OR5AN1: variants seen among roughly 807,000 people sequenced by gnomAD.
The protein encoded by OR5AN1 is olfactory receptor family 5 subfamily AN member 1.
For synonymous variants in OR5AN1, 167 were observed against 131.8 expected, an observed-to-expected ratio of 1.27 and a Z score of -1.83; for missense variants, 476 against 368.9, an observed-to-expected ratio of 1.29 and a Z score of -2.38.
rs994021457 is a variant in OR5AN1 at position 59,359,242 on chromosome 11, A to G, written c.-44A>G. On this transcript the variant is annotated 5_prime_UTR_variant, in exon 1 of 2. It removes the in-frame stop codon of an upstream open reading frame in the 5' UTR. Coordinates refer to ENST00000641998, the MANE Select transcript of OR5AN1 (RefSeq NM_001004729.2). Reference sequence around the variant, plus strand: ...TCTTACTCCTTACTCAACCTTCTGTAAAAAGAAAAACCTCAAACATAAAAT... The same window carrying G: ...TCTTACTCCTTACTCAACCTTCTGTGAAAAGAAAAACCTCAAACATAAAAT... 1 of 152,174 alleles carries G rather than the reference A, an allele frequency of 6.6e-6. No homozygotes were observed. Among genetic ancestry groups the G allele is most frequent in the African/African-American group, 2.4e-5 (1 of 41,426 alleles). The allele number at this position is 152,174 out of a possible 1,614,324, so 9.4% of individuals were successfully genotyped here. A position where few individuals can be genotyped will look rare whatever the true frequency, so the allele number is the denominator to read the frequency against.
In OR5AN1 at chr11:59,367,207, T is replaced by C. The variant is rs1376780346; in HGVS notation, c.*1813T>C. The C allele has an allele frequency of 2.0e-5, 3 of 152,152 alleles. No homozygotes were observed. The highest frequency in any genetic ancestry group is 1.3e-4 in the Admixed American group (2 of 15,268). The allele number at this position is 152,152 out of a possible 1,614,324, so 9.4% of individuals were successfully genotyped here. ...TGGCTGACCAGAAGCAGCTAGTGTGTGTGGCTGTCATGGAAAGGAACAGAA... is the reference window on the plus strand; with the variant it reads ...TGGCTGACCAGAAGCAGCTAGTGTGCGTGGCTGTCATGGAAAGGAACAGAA... On this transcript the variant is annotated 3_prime_UTR_variant, in exon 2 of 2. Transcript: ENST00000641998.
Position 59,359,221 on chromosome 11 carries a change from A to T in OR5AN1, c.-65A>T, listed in dbSNP as rs192708147. The T allele has an allele frequency of 6.6e-6, 1 of 152,198 alleles. No homozygotes were observed. Among genetic ancestry groups the T allele is most frequent in the East Asian group, 1.9e-4 (1 of 5,180 alleles). 9.4% of individuals were successfully genotyped at this position (152,198 alleles called of 1,614,324 possible). A position where few individuals can be genotyped will look rare whatever the true frequency, so the allele number is the denominator to read the frequency against. On this transcript the variant is annotated 5_prime_UTR_variant, in exon 1 of 2. Transcript: ENST00000641998. ...CTAAAGCTCTTCGTTGGATTCTCTTACTCCTTACTCAACCTTCTGTAAAAA... is the reference window on the plus strand; with the variant it reads ...CTAAAGCTCTTCGTTGGATTCTCTTTCTCCTTACTCAACCTTCTGTAAAAA...
intron 1 of OR5AN1, among the ~76,000 whole-genome samples, chr11:59,360,868 A>G (rs1398856551): frequency 1.3e-5 from 2 of 152,130 alleles, no homozygotes; most frequent in African/African-American, 2.4e-5. Flanking sequence ...TAAAAATAAG[A>G]TTTTCTTAGT....
In OR5AN1 at chr11:59,365,104, A is replaced by T; in HGVS notation, c.646A>T (p.Met216Leu). 6.2e-7 allele frequency: 1 copy of T among 1,614,148 alleles called. No individual in the cohort carries two copies. Among genetic ancestry groups the T allele is most frequent in the Non-Finnish European group, 8.5e-7 (1 of 1,180,006 alleles). ...FFGIASALVI[M>L]ISYGYIGISI... ...TGGGATAGCAAGTGCCCTAGTTATC[A>T]TGATATCCTATGGCTATATTGGCAT... Residue 216 changes from methionine (M) to leucine (L), a missense_variant, in exon 2 of 2, where the codon ATG becomes TTG. Physicochemically the swap from Met to Leu is conservative, Grantham distance 15. Transcript: ENST00000641998.
rs576298688 is a variant in OR5AN1, at chr11:59,368,571, C to G, written c.*3177C>G. 2 of 152,514 alleles carry G rather than the reference C, an allele frequency of 1.3e-5. No homozygotes were observed. The highest frequency in any genetic ancestry group is 4.8e-5 in the African/African-American group (2 of 41,466). The allele number at this position is 152,514 out of a possible 1,614,324, so 9.4% of individuals were successfully genotyped here. A position where few individuals can be genotyped will look rare whatever the true frequency, so the allele number is the denominator to read the frequency against. Reference sequence around the variant, plus strand: ...GTCTGTCTCCCACGGGTCCCACACACCCCCCACCACTCATCACCAGACAAA... The same window carrying G: ...GTCTGTCTCCCACGGGTCCCACACAGCCCCCACCACTCATCACCAGACAAA... On this transcript the variant is annotated 3_prime_UTR_variant, in exon 2 of 2. Transcript: ENST00000641998.
chr11:59,365,439 C>A lies in OR5AN1; in HGVS notation c.*45C>A. The A allele has an allele frequency of 8.7e-7, 1 of 1,146,616 alleles. No homozygotes were observed. Among genetic ancestry groups the A allele is most frequent in the Non-Finnish European group, 1.2e-6 (1 of 804,868 alleles). 71.0% of individuals were successfully genotyped at this position (1,146,616 alleles called of 1,614,324 possible). A position where few individuals can be genotyped will look rare whatever the true frequency, so the allele number is the denominator to read the frequency against. On this transcript the variant is annotated 3_prime_UTR_variant, in exon 2 of 2. Transcript: ENST00000641998. ...TCTGCCAGATATGGCCCATCAGAAT[C>A]TCCCTAACCCACAAAATATGATAAT... is the stretch of plus-strand genomic sequence containing the variant.
intron 1 of OR5AN1, among the ~76,000 whole-genome samples, chr11:59,362,587 T>C (rs1489481521): frequency 1.3e-5 from 2 of 152,064 alleles, no homozygotes; most frequent in African/African-American, 4.8e-5. Flanking sequence ...CAAAATACTT[T>C]TTAATATCTG....
At chr11:59,363,435 TG>T (rs1407364695) in intron 1 of OR5AN1, among the ~76,000 whole-genome samples, 3 of 152,186 alleles carry the variant, frequency 2.0e-5, no homozygotes, top group Non-Finnish European at 4.4e-5. Context: ...AGACAATAGT[TG>T]GGGCCAAGAG....
chr11:59,360,061 C>T (rs1296616043), intron 1 of OR5AN1: 1 of 152,148 alleles, frequency 6.6e-6, no homozygotes, highest in African/African-American at 2.4e-5. Flanking sequence ...AGAGTTTTTT[C>T]TCTTTTTCTC....
rs1467202084 is a variant in OR5AN1 at position 59,365,627 on chromosome 11, A to T, written c.*233A>T. 4.8e-6 allele frequency: 2 copies of T among 414,588 alleles called. No individual in the cohort carries two copies. Among genetic ancestry groups the T allele is most frequent in the Non-Finnish European group, 8.5e-6 (2 of 234,540 alleles). 25.7% of individuals were successfully genotyped at this position (414,588 alleles called of 1,614,324 possible). On this transcript the variant is annotated 3_prime_UTR_variant, in exon 2 of 2. Transcript: ENST00000641998. ...ATTATTTTTATCCTACATCAGGATA[A>T]ATAATGTGGCCTCATCATTTATGAA...
At chr11:59,360,469 G>T (rs1857451065) in intron 1 of OR5AN1, among the ~76,000 whole-genome samples, 1 of 151,566 alleles carries the variant, frequency 6.6e-6, no homozygotes, top group Admixed American at 6.6e-5. Context: ...ATGATGTTCA[G>T]GTTTGCTACA....
rs918722837 is a variant in OR5AN1, at chr11:59,371,499, T to A, written c.*6105T>A. The A allele has an allele frequency of 1.3e-5, 2 of 152,212 alleles. No homozygotes were observed. Among genetic ancestry groups the A allele is most frequent in the African/African-American group, 4.8e-5 (2 of 41,444 alleles). The allele number at this position is 152,212 out of a possible 1,614,324, so 9.4% of individuals were successfully genotyped here. A position where few individuals can be genotyped will look rare whatever the true frequency, so the allele number is the denominator to read the frequency against. On this transcript the variant is annotated 3_prime_UTR_variant, in exon 2 of 2. Transcript: ENST00000641998. ...AGTTACGGTACAGCTAAGGCTAACC[T>A]GCATCTATGCTCCAGCTTCCAGGAC...
intron 1 of OR5AN1, among the ~76,000 whole-genome samples, chr11:59,360,997 A>G (rs150179835): frequency 6.6e-5 from 10 of 152,362 alleles, no homozygotes; most frequent in African/African-American, 2.4e-4. Flanking sequence ...GTCTCTACTT[A>G]TAGGTGTGCT....
intron 1 of OR5AN1, among the ~76,000 whole-genome samples, chr11:59,361,427 T>A (rs536125702): frequency 2.0e-5 from 3 of 152,248 alleles, no homozygotes; most frequent in South Asian, 2.1e-4. Flanking sequence ...ACTACAGGCG[T>A]GCGCCACAAA....
rs1857589825 is a variant in OR5AN1, at chr11:59,371,034, C to A, written c.*5640C>A. 6.6e-6 allele frequency: 1 copy of A among 151,740 alleles called. No homozygotes were observed. Among genetic ancestry groups the A allele is most frequent in the South Asian group, 2.1e-4 (1 of 4,814 alleles). The allele number at this position is 151,740 out of a possible 1,614,324, so 9.4% of individuals were successfully genotyped here. ...TGTGTTATCTACACACAATTGGGTT[C>A]TTTTGCTTTAATATTTGTGTGTATG... On this transcript the variant is annotated 3_prime_UTR_variant, in exon 2 of 2. Transcript: ENST00000641998.
chr11:59,370,984 T>C lies in OR5AN1; in HGVS notation c.*5590T>C, dbSNP rs1258622651. The stretch of plus-strand genomic sequence containing the variant: ...GTGATAGCTCTAGGCTGTTATCTTG[T>C]AGGCTTTTTCTTTTCACATGTCCAT... On this transcript the variant is annotated 3_prime_UTR_variant, in exon 2 of 2. Coordinates refer to ENST00000641998, the MANE Select transcript of OR5AN1 (RefSeq NM_001004729.2). 1 of 152,242 alleles carries C rather than the reference T, an allele frequency of 6.6e-6. No individual in the cohort carries two copies. The highest frequency in any genetic ancestry group is 1.5e-5 in the Non-Finnish European group (1 of 68,042). The allele number at this position is 152,242 out of a possible 1,614,324, so 9.4% of individuals were successfully genotyped here. A position where few individuals can be genotyped will look rare whatever the true frequency, so the allele number is the denominator to read the frequency against.
chr11:59,364,384 C>T lies in OR5AN1; in HGVS notation c.-13-62C>T, dbSNP rs150226373. The stretch of plus-strand genomic sequence containing the variant: ...AAGAAAAGATGTACACATATGAAGA[C>T]GGTAATGTTATCACTTCAACTGAGT... On this transcript the variant is annotated intron_variant, in intron 1 of 1. Coordinates refer to ENST00000641998, the MANE Select transcript of OR5AN1 (RefSeq NM_001004729.2). The T allele has an allele frequency of 3.0e-4, 295 of 974,830 alleles. No individual in the cohort carries two copies. The East Asian group carries it at 6.6e-3, about 22-fold the overall frequency. The allele number at this position is 974,830 out of a possible 1,614,324, so 60.4% of individuals were successfully genotyped here.
At chr11:59,363,277 A>T (rs1164639736) in intron 1 of OR5AN1, among the ~76,000 whole-genome samples, 1 of 152,196 alleles carries the variant, frequency 6.6e-6, no homozygotes, top group Non-Finnish European at 1.5e-5. Context: ...AGAAGCTTTT[A>T]TTGTCCTTAC....
chr11:59,366,917 A>T lies in OR5AN1; in HGVS notation c.*1523A>T, dbSNP rs1397077393. ...TAGTAAGTGAAGGGGTGGGAATCCA[A>T]ACTAACATTGCAGATATCAAAGCCT... On this transcript the variant is annotated 3_prime_UTR_variant, in exon 2 of 2. Coordinates refer to ENST00000641998, the MANE Select transcript of OR5AN1 (RefSeq NM_001004729.2). 2 of 152,190 alleles carry T rather than the reference A, an allele frequency of 1.3e-5. No homozygotes were observed. The highest frequency in any genetic ancestry group is 2.9e-5 in the Non-Finnish European group (2 of 68,042). The allele number at this position is 152,190 out of a possible 1,614,324, so 9.4% of individuals were successfully genotyped here.
Sources: gnomAD v4.1 joint callset for allele counts (sites outside exome capture counted in the v4.1 genomes callset) on GRCh38, gnomAD v4.1.1 for gene constraint, MANE v1.5 for transcripts, NCBI Gene and HGNC (gene_info 2026-07-23, HGNC 2026-07-21) for gene names.